ERCC6L2: variants seen among roughly 807,000 people sequenced by gnomAD.
ERCC6L2 encodes the protein DNA excision repair protein ERCC-6-like 2.
ERCC6L2 carries 77 observed loss-of-function variants against 132.0 expected under a neutral mutation model. The ratio of observed to expected loss-of-function variants is 0.58; its 90% CI spans 0.49 to 0.71. ERCC6L2 has a LOEUF of 0.71. ERCC6L2 is among the 30% of genes least tolerant of loss of function. The pLI, the probability that ERCC6L2 is intolerant of heterozygous loss-of-function variation, is 0.00. For missense variants in ERCC6L2, 1,542 were observed against 1,837.6 expected, an observed-to-expected ratio of 0.84 and a Z score of 2.94; for synonymous variants, 583 against 632.4, an observed-to-expected ratio of 0.92 and a Z score of 1.17.
intron 13 of ERCC6L2, among the ~76,000 whole-genome samples, chr9:95,961,398 G>A (rs1306308479): frequency 1.3e-5 from 2 of 152,136 alleles, no homozygotes; most frequent in East Asian, 3.8e-4. Context: ...CTAGAAAGAG[G>A]CAAGGAAGGA....
At chr9:95,916,684 CTTTT>C (rs1360979308) in intron 6 of ERCC6L2, among the ~76,000 whole-genome samples, 1 of 137,310 alleles carries the variant, frequency 7.3e-6, no homozygotes, top group Non-Finnish European at 1.6e-5. Context: ...TCATCAAAAC[CTTTT>C]TTTTTTTTTT....
rs111347198 is a variant in ERCC6L2, at chr9:96,024,516, G to A, written c.*1504-14360G>A. On this transcript the variant is annotated intron_variant and NMD_transcript_variant, in intron 19 of 20. Transcript: ENST00000670016. ...CTTGCTGTCCTCGGACCTCTCCAGC[G>A]GTCTCTTTCTAGTTTCCTTGGTGGG... Among the ~76,000 whole-genome samples, 10 of 152,328 alleles carry A rather than the reference G, an allele frequency of 6.6e-5. No homozygotes were observed. The East Asian group carries it at 7.7e-4, about 12-fold the overall frequency.
chr9:95,947,809 G>A (rs1831133887), intron 12 of ERCC6L2, among the ~76,000 whole-genome samples: 3 of 152,106 alleles, frequency 2.0e-5, no homozygotes, highest in Non-Finnish European at 2.9e-5. Flanking sequence ...AACAAAGCCT[G>A]GATAACAGCA....
intron 19 of ERCC6L2, among the ~76,000 whole-genome samples, chr9:96,037,700 C>T (rs1254023633): frequency 6.6e-6 from 1 of 152,058 alleles, no homozygotes; most frequent in Non-Finnish European, 1.5e-5. Flanking sequence ...TGCGCCAGGA[C>T]AGCAGGTGAG....
At chr9:95,927,670 T>G (rs1830159617) in intron 9 of ERCC6L2, among the ~76,000 whole-genome samples, 1 of 152,202 alleles carries the variant, frequency 6.6e-6, no homozygotes, top group East Asian at 1.9e-4. Context: ...ACACATTTCA[T>G]TACATCCATC....
At chr9:95,942,654 G>A (rs181306819) in intron 12 of ERCC6L2, among the ~76,000 whole-genome samples, 1 of 152,234 alleles carries the variant, frequency 6.6e-6, no homozygotes, top group African/African-American at 2.4e-5. Context: ...TGTGAAATAT[G>A]AGTAAAGAGA....
intron 12 of ERCC6L2, 22 bp downstream of exon 12, chr9:95,941,571 A>G: frequency 6.7e-7 from 1 of 1,502,206 alleles, no homozygotes; most frequent in Non-Finnish European, 9.3e-7. Flanking sequence ...ACAAAATTTA[A>G]AGTGATCTGC....
At chr9:95,916,807 C>G (rs1231566811) in intron 6 of ERCC6L2, among the ~76,000 whole-genome samples, 1 of 151,816 alleles carries the variant, frequency 6.6e-6, no homozygotes, top group Non-Finnish European at 1.5e-5. Flanking sequence ...CTCAGCCTCC[C>G]GAGTAACTGG....
intron 3 of ERCC6L2, among the ~76,000 whole-genome samples, chr9:95,905,546 G>T (rs1166536921): frequency 3.9e-5 from 6 of 152,124 alleles, no homozygotes; most frequent in Admixed American, 6.6e-5. Context: ...ATCAAAGGGA[G>T]ACACTGTAAT....
chr9:95,907,401 C>G (rs1166374549), intron 4 of ERCC6L2, 130 bp downstream of exon 4: 1 of 668,062 alleles, frequency 1.5e-6, no homozygotes, highest in Admixed American at 4.9e-5. Context: ...GACGGAGTTT[C>G]GCCACGTTGC....
Position 95,907,107 on chromosome 9 carries a change from C to T in ERCC6L2, c.624C>T (p.Val208=), listed in dbSNP as rs755640659. 6.2e-7 allele frequency: 1 copy of T among 1,611,136 alleles called. No individual in the cohort carries two copies. The highest frequency in any genetic ancestry group is 1.3e-5 in the African/African-American group (1 of 74,702). Reference sequence around the variant, plus strand: ...TCTTAATAGTTGCTCCTCTTTCTGTCCTCTACAACTGGAAGGATGAATTGG... The same window carrying T: ...TCTTAATAGTTGCTCCTCTTTCTGTTCTCTACAACTGGAAGGATGAATTGG... ...KMFLIVAPLS[V]LYNWKDELDT... Residue 208 remains valine (V), a synonymous_variant, in exon 4 of 19, where the codon GTC becomes GTT. Coordinates refer to ENST00000653738, the MANE Select transcript of ERCC6L2 (RefSeq NM_020207.7).
chr9:95,940,956 G>A (rs1830770828), intron 11 of ERCC6L2, among the ~76,000 whole-genome samples: 1 of 152,038 alleles, frequency 6.6e-6, no homozygotes, highest in Non-Finnish European at 1.5e-5. Context: ...TCACTGCCAT[G>A]CCATTCCTTA....
chr9:95,887,610 A>G (rs1025377717), intron 2 of ERCC6L2, among the ~76,000 whole-genome samples: 7 of 152,200 alleles, frequency 4.6e-5, no homozygotes, highest in African/African-American at 1.7e-4. Flanking sequence ...TTTCTATATT[A>G]TTAGATATTA....
intron 12 of ERCC6L2, among the ~76,000 whole-genome samples, chr9:95,950,137 A>G (rs1831263597): frequency 6.6e-6 from 1 of 152,212 alleles, no homozygotes; most frequent in African/African-American, 2.4e-5. Context: ...ATGGACAAAT[A>G]TAAATACCAG....
At chr9:95,950,913 A>G (rs1342814092) in intron 12 of ERCC6L2, among the ~76,000 whole-genome samples, 1 of 152,180 alleles carries the variant, frequency 6.6e-6, no homozygotes, top group Non-Finnish European at 1.5e-5. Flanking sequence ...ATAATAGGTA[A>G]AACATTCAGA....
chr9:95,940,837 C>T (rs927648690), intron 11 of ERCC6L2, among the ~76,000 whole-genome samples: 7 of 152,138 alleles, frequency 4.6e-5, no homozygotes, highest in Admixed American at 3.3e-4. Flanking sequence ...CCAGGAGTTC[C>T]ATCAGTTGCT....
intron 20 of ERCC6L2, among the ~76,000 whole-genome samples, chr9:96,040,411 C>T (rs184119222): frequency 2.0e-5 from 3 of 152,330 alleles, no homozygotes; most frequent in East Asian, 1.9e-4. Flanking sequence ...AGGAGGCCCA[C>T]GGTTCCTCGT....
chr9:96,020,643 A>G (rs1834270239), downstream of ERCC6L2: 2 of 396,360 alleles, frequency 5.0e-6, no homozygotes, highest in South Asian at 3.8e-5. Flanking sequence ...CCACCGAGGA[A>G]GGCAGCTGCA....
chr9:95,895,107 A>G (rs1828382260), intron 2 of ERCC6L2, among the ~76,000 whole-genome samples: 1 of 152,190 alleles, frequency 6.6e-6, no homozygotes, highest in South Asian at 2.1e-4. Flanking sequence ...TTATTTCAAT[A>G]AATTTTTCTT....
Sources: allele counts gnomAD v4.1 joint callset (sites outside exome capture counted in the v4.1 genomes callset), GRCh38; gene constraint gnomAD v4.1.1; transcripts MANE v1.5; gene names NCBI Gene and HGNC (gene_info 2026-07-23, HGNC 2026-07-21).